Variants in FBXW11 observed in about 807,000 individuals in gnomAD.
The protein encoded by FBXW11 is F-box/WD repeat-containing protein 11.
Under a neutral mutation model 77.6 loss-of-function variants are expected in FBXW11, and 19 were observed. The observed-to-expected ratio is 0.24, with a 90% CI of 0.17 to 0.36. The LOEUF is 0.36. Ranked by LOEUF, FBXW11 falls within the 10% of genes least tolerant of loss-of-function variation. The pLI, the probability that FBXW11 is intolerant of heterozygous loss-of-function variation, is 1.00. For synonymous variants in FBXW11, 235 were observed against 249.4 expected, an observed-to-expected ratio of 0.94 and a Z score of 0.54; for missense variants, 334 against 704.2, an observed-to-expected ratio of 0.47 and a Z score of 5.95.
At chr5:171,870,132 T>C (rs912912131) in intron 11 of FBXW11, among the ~76,000 whole-genome samples, 1 of 152,106 alleles carries the variant, frequency 6.6e-6, no homozygotes, top group African/African-American at 2.4e-5. Context: ...TAGGGCTGAG[T>C]AGGTGCTGCT....
At chr5:171,913,604 T>A (rs961318821) in intron 3 of FBXW11, among the ~76,000 whole-genome samples, 4 of 152,194 alleles carry the variant, frequency 2.6e-5, no homozygotes, top group African/African-American at 7.2e-5. Flanking sequence ...TTAAATGTGT[T>A]GGATGCACTT....
Position 171,900,063 on chromosome 5 carries a change from C to A in FBXW11, c.474G>T (p.Ser158=). ...CACACAGAGACCTGGCATCCAGGTA[C>A]GAAAGAATGTTTTCTGCTATGTGAT... is the stretch of plus-strand genomic sequence containing the variant. The part of the protein sequence containing the change: ...GLDHIAENIL[S]YLDARSLCAA... Residue 158 remains serine, a synonymous_variant, in exon 5 of 14, where the codon TCG becomes TCT. Transcript: ENST00000517395. 1 of 1,612,990 alleles carries A rather than the reference C, an allele frequency of 6.2e-7. No individual in the cohort carries two copies. The highest frequency in any genetic ancestry group is 1.1e-5 in the South Asian group (1 of 90,926).
intron 7 of FBXW11, among the ~76,000 whole-genome samples, chr5:171,885,065 A>G (rs957874666): frequency 1.3e-5 from 2 of 152,212 alleles, no homozygotes; most frequent in African/African-American, 4.8e-5. Context: ...ATGCGTGACC[A>G]AATGGATGAG....
intron 2 of FBXW11, among the ~76,000 whole-genome samples, chr5:171,957,050 T>C (rs1763651036): frequency 6.6e-6 from 1 of 152,206 alleles, no homozygotes; most frequent in Non-Finnish European, 1.5e-5. Flanking sequence ...AGGACAGGTG[T>C]CAGATCTGGC....
At chr5:171,911,849 TATG>T (rs1326408583) in intron 3 of FBXW11, among the ~76,000 whole-genome samples, 2 of 152,226 alleles carry the variant, frequency 1.3e-5, no homozygotes, top group African/African-American at 4.8e-5. Flanking sequence ...CCACAACTAC[TATG>T]AAGTGCAGTA....
At chr5:171,986,951 G>A (rs538499095) in intron 1 of FBXW11, among the ~76,000 whole-genome samples, 4 of 152,250 alleles carry the variant, frequency 2.6e-5, no homozygotes, top group East Asian at 1.9e-4. Context: ...CCTAACACTC[G>A]CATTACCACC....
At chr5:171,867,631 TA>T (rs1390224394) in intron 13 of FBXW11, 1 of 152,160 alleles carries the variant, frequency 6.6e-6, no homozygotes, top group East Asian at 1.9e-4. Flanking sequence ...GAAAAGATGG[TA>T]ACTTAGTGAA....
At chr5:171,951,680 G>A (rs184467406) in intron 2 of FBXW11, among the ~76,000 whole-genome samples, 45 of 152,156 alleles carry the variant, frequency 3.0e-4, no homozygotes, top group African/African-American at 8.9e-4. Flanking sequence ...TAGTAGAGAC[G>A]GGGTTTCACC....
chr5:171,998,796 CAAAA>C (rs34476350), intron 1 of FBXW11, among the ~76,000 whole-genome samples: 1 of 60,018 alleles, frequency 1.7e-5, no homozygotes. Flanking sequence ...GACTCCGTCT[CAAAA>C]AAAAAAAAAA....
At chr5:171,981,318 C>T (rs914295611) in intron 1 of FBXW11, among the ~76,000 whole-genome samples, 3 of 152,118 alleles carry the variant, frequency 2.0e-5, no homozygotes, top group African/African-American at 7.2e-5. Flanking sequence ...AGTTGTATCC[C>T]TTATAATGTT....
intron 7 of FBXW11, among the ~76,000 whole-genome samples, chr5:171,886,407 C>T (rs1427406081): frequency 4.4e-4 from 59 of 133,320 alleles, no homozygotes; most frequent in Admixed American, 9.5e-4. Flanking sequence ...GAACATCACA[C>T]ACTGGGGCCT....
chr5:171,861,950 G>T lies in FBXW11; in HGVS notation c.*2177C>A, dbSNP rs1757115573. ...GCTGGGAATTACTATTATAATCCCA[G>T]AAAGTCAGAACTCCTTGGGTGCCAA... On this transcript the variant is annotated 3_prime_UTR_variant, in exon 14 of 14. Transcript: ENST00000517395. 6.6e-6 allele frequency: 1 copy of T among 152,616 alleles called. No individual in the cohort carries two copies. Among genetic ancestry groups the T allele is most frequent in the African/African-American group, 2.4e-5 (1 of 41,436 alleles). 9.5% of individuals were successfully genotyped at this position (152,616 alleles called of 1,614,324 possible).
At chr5:171,987,607 A>G (rs914470196) in intron 1 of FBXW11, among the ~76,000 whole-genome samples, 2 of 151,846 alleles carry the variant, frequency 1.3e-5, no homozygotes, top group African/African-American at 2.4e-5. Flanking sequence ...ACCCACTACC[A>G]TGCCCAGCTA....
Position 171,876,660 on chromosome 5 carries a change from G to A in FBXW11, c.972-126C>T, listed in dbSNP as rs1025752363. On this transcript the variant is annotated intron_variant, in intron 8 of 13. Transcript: ENST00000517395. This position sits in a 1 kb window ranked among gnomAD's most constrained non-coding sequence, Gnocchi z 4.2. ...TTTGTCTGACTCTACCAAATCTCAT[G>A]TTGAAATTGATCCTCAATGTTGGAG... is the stretch of plus-strand genomic sequence containing the variant. The A allele has an allele frequency of 4.8e-6, 6 of 1,245,132 alleles. No individual in the cohort carries two copies. The African/African-American group carries it at 9.0e-5, about 19-fold the overall frequency. The allele number at this position is 1,245,132 out of a possible 1,614,324, so 77.1% of individuals were successfully genotyped here. A position where few individuals can be genotyped will look rare whatever the true frequency, so the allele number is the denominator to read the frequency against.
chr5:171,996,839 T>C (rs1766084672), intron 1 of FBXW11: 1 of 1,190,190 alleles, frequency 8.4e-7, no homozygotes, highest in Non-Finnish European at 1.1e-6. Context: ...TCAAAATTTC[T>C]TTCAGCGAGT....
chr5:171,913,375 G>A (rs1021674719), intron 3 of FBXW11, among the ~76,000 whole-genome samples: 12 of 152,102 alleles, frequency 7.9e-5, no homozygotes, highest in African/African-American at 2.9e-4. Flanking sequence ...AAGCTAAAGT[G>A]TGAAGAACCA....
At chr5:171,879,568 T>C (rs1196018038) in intron 7 of FBXW11, among the ~76,000 whole-genome samples, 1 of 152,268 alleles carries the variant, frequency 6.6e-6, no homozygotes, top group Non-Finnish European at 1.5e-5. Flanking sequence ...CAGCAATGAA[T>C]GAAAGTTCCT....
At chr5:171,967,881 T>TACACACACACAC (rs1284088153) in intron 1 of FBXW11, among the ~76,000 whole-genome samples, 2 of 64,920 alleles carry the variant, frequency 3.1e-5, no homozygotes, top group African/African-American at 1.3e-4. Context: ...TATATATATA[T>TACACACACACAC]ATACACACAC....
At chr5:171,900,206 A>C in intron 4 of FBXW11, 106 bp from the exon 5 acceptor site, 1 of 974,022 alleles carries the variant, frequency 1.0e-6, no homozygotes. Context: ...ACCAAGTAAA[A>C]TATTTTAGTC....
Sources: gnomAD v4.1 joint callset for allele counts (sites outside exome capture counted in the v4.1 genomes callset) on GRCh38, gnomAD v4.1.1 for gene constraint, Gnocchi (gnomAD v3.1) non-coding constraint, MANE v1.5 for transcripts, NCBI Gene and HGNC (gene_info 2026-07-23, HGNC 2026-07-21) for gene names.